Variants in PEBP4 observed in about 807,000 individuals in gnomAD.
The protein encoded by PEBP4 is phosphatidylethanolamine-binding protein 4.
PEBP4 carries 22 observed loss-of-function variants against 23.9 expected under a neutral mutation model. The ratio of observed to expected loss-of-function variants is 0.92; its 90% CI spans 0.66 to 1.31. The LOEUF is 1.31. Ranked by LOEUF, PEBP4 falls within the 40% of genes most tolerant of loss-of-function variation. The pLI is 0.00. For missense variants in PEBP4, 324 were observed against 281.7 expected (o/e 1.15, Z -1.07); for synonymous variants, 112 against 99.3 (o/e 1.13, Z -0.76).
chr8:22,720,818 A>T (rs1804502136), intron 6 of PEBP4, among the ~76,000 whole-genome samples: 1 of 152,160 alleles, frequency 6.6e-6, no homozygotes, highest in Admixed American at 6.5e-5. Flanking sequence ...CTATCCATAG[A>T]GCTACACCAG....
chr8:22,846,801 GT>G lies in PEBP4; in HGVS notation c.259-29067del, dbSNP rs201180201. Among the ~76,000 whole-genome samples the G allele has an allele frequency of 3.5e-4, 53 of 152,292 alleles. 1 individual carries two copies. In the East Asian group the frequency reaches 9.6e-3, roughly 28 times the overall value. The stretch of plus-strand genomic sequence containing the variant: ...ACAAATGTCACCAAAAACTTGTAGT[GT>G]TTGGGTTTGGGCCAAATAGAGATTG... On this transcript the variant is annotated intron_variant, in intron 3 of 6. Coordinates refer to ENST00000256404, the MANE Select transcript of PEBP4 (RefSeq NM_144962.3).
chr8:22,719,207 C>T (rs1246545027), intron 6 of PEBP4, among the ~76,000 whole-genome samples: 1 of 152,198 alleles, frequency 6.6e-6, no homozygotes, highest in Non-Finnish European at 1.5e-5. Context: ...CCTCTGAGGG[C>T]CCTGAGGCTG....
At position 22,939,530 on chromosome 8, in the gene PEBP4, T is replaced by C. The variant is rs116830673; in HGVS notation, c.145-11810A>G. 6.4e-3 allele frequency among the ~76,000 whole-genome samples: 972 copies of C among 152,146 alleles called. 15 individuals are homozygous for C. Among genetic ancestry groups the C allele is most frequent in the African/African-American group, 0.022 (914 of 41,522 alleles). The stretch of plus-strand genomic sequence containing the variant: ...AATGTCTCAAGTGATTATGGCTTAT[T>C]GTTAAGTTCATGAATGCTAGCAATG... On this transcript the variant is annotated intron_variant, in intron 1 of 1. Transcript: ENST00000522278.
chr8:22,807,279 G>A (rs1469846301), intron 4 of PEBP4, among the ~76,000 whole-genome samples: 1 of 152,192 alleles, frequency 6.6e-6, no homozygotes, highest in Non-Finnish European at 1.5e-5. Flanking sequence ...GAGCAGATCT[G>A]AGACAATAGA....
intron 3 of PEBP4, among the ~76,000 whole-genome samples, chr8:22,888,619 A>G (rs1808431750): frequency 2.0e-5 from 3 of 152,166 alleles, no homozygotes; most frequent in Admixed American, 2.0e-4. Context: ...GCATCCCCAG[A>G]TTTCCAACCA....
intron 3 of PEBP4, among the ~76,000 whole-genome samples, chr8:22,897,991 C>G (rs1465835645): frequency 6.6e-6 from 1 of 152,098 alleles, no homozygotes; most frequent in Non-Finnish European, 1.5e-5. Context: ...AGAAGGTAGC[C>G]GTTTTCAAGC....
chr8:22,915,031 C>G (rs1314207321), intron 3 of PEBP4, among the ~76,000 whole-genome samples: 1 of 152,072 alleles, frequency 6.6e-6, no homozygotes, highest in East Asian at 1.9e-4. Flanking sequence ...CACTCGCCTG[C>G]TCATCACAGA....
At chr8:22,732,974 A>T (rs1804770599) in intron 4 of PEBP4, among the ~76,000 whole-genome samples, 1 of 152,224 alleles carries the variant, frequency 6.6e-6, no homozygotes, top group African/African-American at 2.4e-5. Context: ...AGGGTGATGC[A>T]GACTGTCTTC....
rs941769523 is a variant in PEBP4, at chr8:22,775,400, C to T, written c.357+42237G>A. Among the ~76,000 whole-genome samples, 5 of 152,172 alleles carry T rather than the reference C, an allele frequency of 3.3e-5. No homozygotes were observed. The highest frequency in any genetic ancestry group is 3.9e-4 in the East Asian group (2 of 5,182). ...CAGCTGTCGAGGCCCAGGCAAGGAG[C>T]GGCCTTGCCAACCAATCCCTCCTTT... On this transcript the variant is annotated intron_variant, in intron 4 of 6. Coordinates refer to ENST00000256404, the MANE Select transcript of PEBP4 (RefSeq NM_144962.3). The surrounding 1 kb of genome is among the most constrained non-coding windows in gnomAD (Gnocchi z 4.8).
chr8:22,751,067 C>T (rs1317965355), intron 4 of PEBP4, among the ~76,000 whole-genome samples: 3 of 152,166 alleles, frequency 2.0e-5, no homozygotes, highest in African/African-American at 4.8e-5. Context: ...AGCATGCTCT[C>T]GGCTCCAACA....
intron 3 of PEBP4, among the ~76,000 whole-genome samples, chr8:22,917,452 T>C (rs1809101206): frequency 1.3e-5 from 2 of 151,996 alleles, no homozygotes; most frequent in Non-Finnish European, 2.9e-5. Context: ...AGGGAAAGCT[T>C]CCCTTCGGCC....
intron 4 of PEBP4, among the ~76,000 whole-genome samples, chr8:22,789,713 C>T (rs1008960691): frequency 1.3e-5 from 2 of 152,190 alleles, no homozygotes; most frequent in African/African-American, 4.8e-5. Flanking sequence ...CAGAGCTAGG[C>T]TTCACTGTCT....
At chr8:22,897,694 T>C (rs1281754634) in intron 3 of PEBP4, 2 of 152,094 alleles carry the variant, frequency 1.3e-5, no homozygotes, top group Non-Finnish European at 2.9e-5. Context: ...ATGCTTAACA[T>C]CTCTCCCTGG....
intron 4 of PEBP4, among the ~76,000 whole-genome samples, chr8:22,812,216 G>GC: frequency 6.6e-6 from 1 of 152,192 alleles, no homozygotes; most frequent in Non-Finnish European, 1.5e-5. Context: ...AAGCACAGGT[G>GC]TCCTGGCATG....
At chr8:22,804,664 A>G (rs1806458515) in intron 4 of PEBP4, among the ~76,000 whole-genome samples, 1 of 152,108 alleles carries the variant, frequency 6.6e-6, no homozygotes, top group Non-Finnish European at 1.5e-5. Context: ...CCCTTCGCCC[A>G]GATGCATATT....
chr8:22,897,966 C>T (rs925711484), intron 3 of PEBP4, among the ~76,000 whole-genome samples: 3 of 152,190 alleles, frequency 2.0e-5, no homozygotes, highest in Non-Finnish European at 4.4e-5. Flanking sequence ...ACCTCCACCA[C>T]GTCGGGACAC....
chr8:22,748,055 C>T (rs1209704005), intron 4 of PEBP4, among the ~76,000 whole-genome samples: 1 of 152,228 alleles, frequency 6.6e-6, no homozygotes, highest in Non-Finnish European at 1.5e-5. Context: ...TAGTCAACTT[C>T]AGCAACTGGG....
At chr8:22,797,681 T>G (rs1310982189) in intron 4 of PEBP4, among the ~76,000 whole-genome samples, 3 of 152,052 alleles carry the variant, frequency 2.0e-5, no homozygotes, top group African/African-American at 7.2e-5. Context: ...CCCCGTAGGG[T>G]CCATGTGATC....
intron 3 of PEBP4, among the ~76,000 whole-genome samples, chr8:22,856,594 A>G (rs749440926): frequency 3.9e-5 from 6 of 152,290 alleles, no homozygotes; most frequent in Non-Finnish European, 5.9e-5. Context: ...GTGCATGCCT[A>G]TAATCTCAGC....
Sources: gnomAD v4.1 joint callset for allele counts (sites outside exome capture counted in the v4.1 genomes callset) on GRCh38, gnomAD v4.1.1 for gene constraint, Gnocchi (gnomAD v3.1) non-coding constraint, MANE v1.5 for transcripts, NCBI Gene and HGNC (gene_info 2026-07-23, HGNC 2026-07-21) for gene names.